The following MMP16 variants were observed in gnomAD, a reference collection of about 807,000 sequenced individuals.
MMP16 encodes the protein matrix metalloproteinase-16.
MMP16 carries 12 observed loss-of-function variants against 67.8 expected under a neutral mutation model. The observed-to-expected ratio is 0.18, with a 90% confidence interval of 0.11 to 0.29. MMP16 has a LOEUF of 0.29. Ranked by LOEUF, MMP16 falls within the 10% of genes least tolerant of loss-of-function variation. The pLI is 1.00. For missense variants in MMP16, 475 were observed against 765.7 expected, an observed-to-expected ratio of 0.62 and a Z score of 4.48; for synonymous variants, 249 against 255.9, an observed-to-expected ratio of 0.97 and a Z score of 0.26.
chr8:88,094,384 A>T lies in MMP16; in HGVS notation c.1084-19641T>A, dbSNP rs961846159. Among the ~76,000 whole-genome samples, 10 of 151,854 alleles carry T rather than the reference A, an allele frequency of 6.6e-5. 1 individual carries two copies. The East Asian group carries it at 1.9e-3, about 30-fold the overall frequency. ...AATTAGAAGAGTGATAAAAAGATTAACTAGTGATATTGTTCACTGATTTTC... is the reference window on the plus strand; with the variant it reads ...AATTAGAAGAGTGATAAAAAGATTATCTAGTGATATTGTTCACTGATTTTC... On this transcript the variant is annotated intron_variant, in intron 6 of 9. Transcript: ENST00000286614.
intron 2 of MMP16, among the ~76,000 whole-genome samples, chr8:88,195,593 A>C (rs1809236634): frequency 6.6e-6 from 1 of 152,176 alleles, no homozygotes; most frequent in African/African-American, 2.4e-5. Flanking sequence ...TTGTTAACTT[A>C]AAACTATATT....
chr8:88,188,477 A>G (rs910689381), intron 2 of MMP16, among the ~76,000 whole-genome samples: 2 of 152,194 alleles, frequency 1.3e-5, no homozygotes, highest in African/African-American at 4.8e-5. Context: ...ATAGTTGGGT[A>G]AAATTTGAAA....
In MMP16 at chr8:88,267,291, C is replaced by T. The variant is rs1810490648; in HGVS notation, c.132+59784G>A. 2.6e-5 allele frequency among the ~76,000 whole-genome samples: 4 copies of T among 152,270 alleles called. No individual in the cohort carries two copies. The South Asian group carries it at 8.3e-4, about 32-fold the overall frequency. Reference sequence around the variant, plus strand: ...ACTGAGAGGAGAAAAAGATAAGTAACTTTCCCAAGACACATCACAGCTAGT... The same window carrying T: ...ACTGAGAGGAGAAAAAGATAAGTAATTTTCCCAAGACACATCACAGCTAGT... On this transcript the variant is annotated intron_variant, in intron 1 of 9. Coordinates refer to ENST00000286614, the MANE Select transcript of MMP16 (RefSeq NM_005941.5).
rs12677541 is a variant in MMP16 at position 88,325,789 on chromosome 8, A to G, written c.132+1286T>C. 8.9e-4 allele frequency among the ~76,000 whole-genome samples: 136 copies of G among 152,298 alleles called. No homozygotes were observed. The East Asian group carries it at 0.022, about 25-fold the overall frequency. ...ATACTTAATATCTGTGAAGGTCTTT[A>G]ACTCTTGATAATAGCTCTTACTTTT... On this transcript the variant is annotated intron_variant, in intron 1 of 9. Transcript: ENST00000286614.
chr8:88,293,981 G>C (rs1205052008), intron 1 of MMP16, among the ~76,000 whole-genome samples: 1 of 151,930 alleles, frequency 6.6e-6, no homozygotes, highest in Non-Finnish European at 1.5e-5. Context: ...ACACTTCAAA[G>C]CTAGACCAAC....
intron 9 of MMP16, among the ~76,000 whole-genome samples, chr8:88,043,158 C>T (rs745517702): frequency 1.2e-4 from 19 of 152,236 alleles, no homozygotes; most frequent in African/African-American, 4.6e-4. Context: ...TTCTTTTAAG[C>T]CCACGATATT....
intron 1 of MMP16, among the ~76,000 whole-genome samples, chr8:88,215,870 C>T (rs1191348727): frequency 6.6e-6 from 1 of 152,072 alleles, no homozygotes; most frequent in Non-Finnish European, 1.5e-5. Context: ...AATAGACATG[C>T]CAATTTGAGT....
In MMP16 at chr8:88,186,381, C is replaced by T. The variant is rs1372302974; in HGVS notation, c.404+95G>A. On this transcript the variant is annotated intron_variant, in intron 3 of 9. Coordinates refer to ENST00000286614, the MANE Select transcript of MMP16 (RefSeq NM_005941.5). ...TTAACATTATATCCCTATATATTAACATGTAGTCAACGTGCAGAAGATACT... is the reference window on the plus strand; with the variant it reads ...TTAACATTATATCCCTATATATTAATATGTAGTCAACGTGCAGAAGATACT... 3.4e-6 allele frequency: 5 copies of T among 1,480,580 alleles called. No homozygotes were observed. In the African/African-American group the frequency reaches 5.6e-5, roughly 17 times the overall value. 91.7% of individuals were successfully genotyped at this position (1,480,580 alleles called of 1,614,324 possible). A position where few individuals can be genotyped will look rare whatever the true frequency, so the allele number is the denominator to read the frequency against.
intron 1 of MMP16, among the ~76,000 whole-genome samples, chr8:88,319,827 T>C (rs1048269404): frequency 2.0e-5 from 3 of 152,206 alleles, no homozygotes; most frequent in African/African-American, 7.2e-5. Flanking sequence ...TTTCAGTGAA[T>C]AGTTTATTTG....
intron 1 of MMP16, among the ~76,000 whole-genome samples, chr8:88,266,772 T>C (rs1007223945): frequency 2.6e-5 from 4 of 152,178 alleles, no homozygotes; most frequent in African/African-American, 9.7e-5. Context: ...TGGGAGGCCC[T>C]AGAGCATGAA....
intron 6 of MMP16, among the ~76,000 whole-genome samples, chr8:88,088,368 G>C (rs1808879072): frequency 6.6e-6 from 1 of 151,936 alleles, no homozygotes; most frequent in African/African-American, 2.4e-5. Context: ...GTTTGCCCAG[G>C]AGGGAATGTG....
chr8:88,125,956 A>G (rs1306369911), intron 4 of MMP16, among the ~76,000 whole-genome samples: 1 of 151,948 alleles, frequency 6.6e-6, no homozygotes, highest in African/African-American at 2.4e-5. Context: ...AAGTAATCAC[A>G]TAATAAATTG....
chr8:88,168,851 C>T (rs565276306), intron 3 of MMP16, among the ~76,000 whole-genome samples: 24 of 152,062 alleles, frequency 1.6e-4, no homozygotes, highest in African/African-American at 5.8e-4. Flanking sequence ...TATCTATGAA[C>T]TTACACTAAT....
At chr8:88,288,354 TTTC>T (rs1435006646) in intron 1 of MMP16, among the ~76,000 whole-genome samples, 2 of 152,118 alleles carry the variant, frequency 1.3e-5, no homozygotes, top group Non-Finnish European at 2.9e-5. Flanking sequence ...TTTTTTCTTT[TTTC>T]TTTTTTTTTC....
chr8:88,272,428 C>G (rs1190783601), intron 1 of MMP16, among the ~76,000 whole-genome samples: 1 of 152,108 alleles, frequency 6.6e-6, no homozygotes, highest in South Asian at 2.1e-4. Flanking sequence ...CATCTTGAAT[C>G]CTATTTTGTT....
At chr8:88,173,479 A>T (rs995846793) in intron 3 of MMP16, among the ~76,000 whole-genome samples, 17 of 152,200 alleles carry the variant, frequency 1.1e-4, no homozygotes, top group African/African-American at 3.9e-4. Context: ...ATATTTTTAT[A>T]TAAACAGGGC....
intron 1 of MMP16, among the ~76,000 whole-genome samples, chr8:88,321,397 T>C (rs1811457793): frequency 6.6e-6 from 1 of 152,210 alleles, no homozygotes; most frequent in South Asian, 2.1e-4. Flanking sequence ...AATTACCACT[T>C]GTAGATGATA....
intron 6 of MMP16, among the ~76,000 whole-genome samples, chr8:88,077,845 T>A (rs188299473): frequency 6.6e-6 from 1 of 152,324 alleles, no homozygotes; most frequent in East Asian, 1.9e-4. Flanking sequence ...GGTATATGTT[T>A]AGCACATATT....
intron 1 of MMP16, among the ~76,000 whole-genome samples, chr8:88,237,657 GAACAACAAC>G (rs202098880): frequency 1.1e-5 from 1 of 88,344 alleles, no homozygotes; most frequent in African/African-American, 3.3e-5. Flanking sequence ...TCAAAAAACA[GAACAACAAC>G]AACAACAACA....
Sources: gnomAD v4.1 joint callset for allele counts (sites outside exome capture counted in the v4.1 genomes callset) on GRCh38, gnomAD v4.1.1 for gene constraint, MANE v1.5 for transcripts, NCBI Gene and HGNC (gene_info 2026-07-23, HGNC 2026-07-21) for gene names.